Variants in NAALAD2 observed in about 807,000 individuals in gnomAD.
The protein encoded by NAALAD2 is N-acetylated-alpha-linked acidic dipeptidase 2.
A neutral mutation model predicts 95.6 loss-of-function variants in NAALAD2; 89 were observed. The observed-to-expected ratio is 0.93, with a 90% CI of 0.78 to 1.11. The LOEUF (loss-of-function observed/expected upper bound fraction) is 1.11, where lower values mean the gene tolerates loss of function less well. Among genes scored for constraint, NAALAD2 ranks in the 50% least tolerant of loss-of-function variants. The pLI, the probability that NAALAD2 is intolerant of heterozygous loss-of-function variation, is 0.00. For synonymous variants in NAALAD2, 264 were observed against 294.4 expected (o/e 0.90, Z 1.06); for missense variants, 894 against 872.4 (o/e 1.02, Z -0.31).
At chr11:90,157,972 G>A (rs915397111) in intron 6 of NAALAD2, among the ~76,000 whole-genome samples, 173 bp from the exon 7 acceptor site, 5 of 152,166 alleles carry the variant, frequency 3.3e-5, no homozygotes, top group African/African-American at 4.8e-5. Flanking sequence ...GCCCACCTCT[G>A]CCTCCGAAAG....
intron 2 of NAALAD2, among the ~76,000 whole-genome samples, chr11:90,145,405 G>A (rs1428252474): frequency 6.6e-6 from 1 of 151,938 alleles, no homozygotes; most frequent in African/African-American, 2.4e-5. Context: ...CCTAATTTAA[G>A]GAAATATATA....
rs577730914 is a variant in NAALAD2, at chr11:90,143,831, G to A, written c.195-3499G>A. ...TAGTAATATGTTTGACTTTCAATGCGTTTATAGGAACATAACCTCACCATA... is the reference window on the plus strand; with the variant it reads ...TAGTAATATGTTTGACTTTCAATGCATTTATAGGAACATAACCTCACCATA... On this transcript the variant is annotated intron_variant, in intron 2 of 18. Transcript: ENST00000534061. 1.5e-4 allele frequency among the ~76,000 whole-genome samples: 23 copies of A among 152,178 alleles called. No homozygotes were observed. In the South Asian group the frequency reaches 3.9e-3, roughly 26 times the overall value.
chr11:90,134,658 C>A, upstream of NAALAD2: 1 of 1,180,382 alleles, frequency 8.5e-7, no homozygotes, highest in Non-Finnish European at 1.3e-6. Context: ...CAGCGGAGGC[C>A]ACCCAGAGCT....
chr11:90,164,991 G>C (rs890012220), intron 11 of NAALAD2, among the ~76,000 whole-genome samples: 2 of 152,072 alleles, frequency 1.3e-5, no homozygotes, highest in African/African-American at 2.4e-5. Flanking sequence ...CCCTTTGAAA[G>C]TCCCCAGTGT....
chr11:90,182,812 C>A, intron 17 of NAALAD2, 104 bp from the exon 18 acceptor site: 1 of 755,504 alleles, frequency 1.3e-6, no homozygotes, highest in Non-Finnish European at 2.2e-6. Flanking sequence ...AAAAATTGAT[C>A]AATTTTAGAA....
intron 7 of NAALAD2, 151 bp from the exon 8 acceptor site, chr11:90,159,088 C>G: frequency 1.6e-6 from 1 of 638,288 alleles, no homozygotes; most frequent in Non-Finnish European, 2.7e-6. Context: ...AAAATAAGCT[C>G]CACAAAGGGC....
chr11:90,134,971 C>A, intron 1 of NAALAD2, 131 bp downstream of exon 1: 1 of 921,852 alleles, frequency 1.1e-6, no homozygotes, highest in Non-Finnish European at 1.7e-6. Context: ...ATATGATAAA[C>A]TCTGCACATT....
chr11:90,159,000 C>T (rs962983439), intron 7 of NAALAD2: 4 of 423,278 alleles, frequency 9.5e-6, no homozygotes, highest in Non-Finnish European at 1.7e-5. Context: ...GCCATGACTA[C>T]TTTATTTTTT....
intron 2 of NAALAD2, among the ~76,000 whole-genome samples, chr11:90,144,389 G>T (rs1951696925): frequency 6.6e-6 from 1 of 152,080 alleles, no homozygotes; most frequent in Non-Finnish European, 1.5e-5. Flanking sequence ...AGCTATATGG[G>T]ATCATGGAAA....
chr11:90,156,287 C>A (rs1269064991), intron 6 of NAALAD2, among the ~76,000 whole-genome samples: 2 of 152,058 alleles, frequency 1.3e-5, no homozygotes, highest in African/African-American at 4.8e-5. Context: ...GTCTCAAACT[C>A]CTTGACTCAA....
At chr11:90,169,172 G>A in intron 12 of NAALAD2, 180 bp downstream of exon 12, 2 of 478,850 alleles carry the variant, frequency 4.2e-6, no homozygotes, top group African/African-American at 2.0e-5. Context: ...TTGCCACAGA[G>A]AAAATAATTA....
chr11:90,181,855 G>A (rs1952983162), intron 17 of NAALAD2, among the ~76,000 whole-genome samples, 154 bp downstream of exon 17: 1 of 151,830 alleles, frequency 6.6e-6, no homozygotes, highest in African/African-American at 2.4e-5. Flanking sequence ...CTGAGAACTT[G>A]TTAGAAAGGC....
chr11:90,144,285 C>CA (rs1951694657), intron 2 of NAALAD2, among the ~76,000 whole-genome samples: 1 of 151,904 alleles, frequency 6.6e-6, no homozygotes, highest in Admixed American at 6.6e-5. Flanking sequence ...TTGTAAGCTT[C>CA]AAAAAAGCTG....
At chr11:90,135,414 A>G (rs7125969) in intron 1 of NAALAD2, 145 bp from the exon 2 acceptor site, 182,037 of 458,312 alleles carry the variant, frequency 0.4, 38,270 homozygotes, top group African/African-American at 0.61. Flanking sequence ...CATTTAATAT[A>G]AACATTATTT....
At chr11:90,189,058 C>T (rs1857245823) in intron 18 of NAALAD2, among the ~76,000 whole-genome samples, 1 of 152,196 alleles carries the variant, frequency 6.6e-6, no homozygotes, top group African/African-American at 2.4e-5. Context: ...ATGATGCAGT[C>T]ACAAGGGTCC....
chr11:90,152,366 T>C lies in NAALAD2; in HGVS notation c.678T>C (p.Ala226=). 1 of 1,613,772 alleles carries C rather than the reference T, an allele frequency of 6.2e-7. No individual in the cohort carries two copies. Among genetic ancestry groups the C allele is most frequent in the Non-Finnish European group, 8.5e-7 (1 of 1,179,768 alleles). The change falls in exon 6 of 19, where the codon GCT becomes GCC. Residue 226 remains alanine (A), a synonymous_variant. Coordinates refer to ENST00000534061, the MANE Select transcript of NAALAD2 (RefSeq NM_005467.4). ...ILYSDPADYF[A]PEVQPYPKGW... ...ACTCAGATCCAGCTGACTACTTTGCTCCTGAGGTACAGCCATATCCCAAAG... is the reference window on the plus strand; with the variant it reads ...ACTCAGATCCAGCTGACTACTTTGCCCCTGAGGTACAGCCATATCCCAAAG...
Position 90,181,684 on chromosome 11 carries a change from A to G in NAALAD2, c.1923A>G (p.Ile641Met). ...EAASDFHKRL[I>M]QVDLNNPIAV... ...CTTCAGATTTTCATAAACGACTTAT[A>G]CAAGTTGATCTTAACAAGTAAGTTT... is the stretch of plus-strand genomic sequence containing the variant. Residue 641 changes from isoleucine to methionine, a missense_variant, in exon 17 of 19, where the codon ATA (isoleucine) becomes ATG (methionine). Transcript: ENST00000534061. 6.2e-7 allele frequency: 1 copy of G among 1,600,628 alleles called. No individual in the cohort carries two copies. Among genetic ancestry groups the G allele is most frequent in the Non-Finnish European group, 8.5e-7 (1 of 1,172,658 alleles).
intron 16 of NAALAD2, among the ~76,000 whole-genome samples, chr11:90,178,670 C>CA (rs71472288): frequency 0.024 from 2,674 of 113,652 alleles, 28 homozygotes; most frequent in African/African-American, 0.045. Flanking sequence ...GGCTCCTTCT[C>CA]AAAAAAAAAA....
intron 6 of NAALAD2, among the ~76,000 whole-genome samples, chr11:90,152,877 T>TA (rs1408926661): frequency 9.2e-6 from 1 of 109,104 alleles, no homozygotes; most frequent in African/African-American, 4.0e-5. Flanking sequence ...TTACATTTTT[T>TA]AAAAAAATGA....
Sources: gnomAD v4.1 joint callset for allele counts (sites outside exome capture counted in the v4.1 genomes callset) on GRCh38, gnomAD v4.1.1 for gene constraint, MANE v1.5 for transcripts, NCBI Gene and HGNC (gene_info 2026-07-23, HGNC 2026-07-21) for gene names.